The following CFAP43 variants were observed in gnomAD, a reference collection of about 807,000 sequenced individuals.
CFAP43 encodes the protein cilia and flagella associated protein 43.
A neutral mutation model predicts 218.9 loss-of-function variants in CFAP43; 155 were observed. The ratio of observed to expected loss-of-function variants is 0.71; its 90% CI spans 0.62 to 0.81. The LOEUF (loss-of-function observed/expected upper bound fraction) is 0.81, where lower values mean the gene tolerates loss of function less well. Among genes scored for constraint, CFAP43 ranks in the 30% least tolerant of loss-of-function variants. The pLI, the probability that CFAP43 is intolerant of heterozygous loss-of-function variation, is 0.00. For synonymous variants in CFAP43, 645 were observed against 681.3 expected, an observed-to-expected ratio of 0.95 and a Z score of 0.83; for missense variants, 1,778 against 1,954.3, an observed-to-expected ratio of 0.91 and a Z score of 1.70.
chr10:104,169,171 G>A (rs974424439), intron 20 of CFAP43, among the ~76,000 whole-genome samples: 8 of 152,208 alleles, frequency 5.3e-5, no homozygotes, highest in Admixed American at 1.3e-4. Flanking sequence ...GGTGAGCTGC[G>A]TAGCTAATGT....
chr10:104,204,440 A>C (rs1488683760), intron 7 of CFAP43, among the ~76,000 whole-genome samples: 1 of 152,234 alleles, frequency 6.6e-6, no homozygotes, highest in African/African-American at 2.4e-5. Flanking sequence ...ATCATTTTCT[A>C]GATTAGATCT....
Position 104,231,695 on chromosome 10 carries a change from C to T in CFAP43, c.65+487G>A, listed in dbSNP as rs961577022. 2.0e-5 allele frequency among the ~76,000 whole-genome samples: 3 copies of T among 152,214 alleles called. 1 individual carries two copies. Among genetic ancestry groups the T allele is most frequent in the African/African-American group, 2.4e-5 (1 of 41,526 alleles). On this transcript the variant is annotated intron_variant, in intron 1 of 37. Coordinates refer to ENST00000357060, the MANE Select transcript of CFAP43 (RefSeq NM_025145.7). ...ACCTATATCTGCGCAGTGCTTGATGCTTTTCAAAGGCTACTATAAATGCAA... is the reference window on the plus strand; with the variant it reads ...ACCTATATCTGCGCAGTGCTTGATGTTTTTCAAAGGCTACTATAAATGCAA...
At chr10:104,225,815 A>C (rs1589820530) in intron 2 of CFAP43, among the ~76,000 whole-genome samples, 1 of 152,236 alleles carries the variant, frequency 6.6e-6, no homozygotes, top group East Asian at 1.9e-4. Context: ...TGCAGAACTG[A>C]GCATACCGCA....
rs138147881 is a variant in CFAP43 at position 104,185,054 on chromosome 10, A to G, written c.2103T>C (p.Asn701=). 28 of 1,613,990 alleles carry G rather than the reference A, an allele frequency of 1.7e-5. No individual in the cohort carries two copies. In the African/African-American group the frequency reaches 2.5e-4, roughly 15 times the overall value. Residue 701 remains asparagine, a synonymous_variant, in exon 16 of 38, where the codon AAT becomes AAC. Transcript: ENST00000357060. ...ISMDGQNILV[N]GRDDGTLVYL... is the part of the protein sequence containing the mutation. The stretch of plus-strand genomic sequence containing the variant: ...AGACAAGGGTGCCATCATCTCTCCC[A>G]TTCACCAGAATGTTTTGTCCATCCA...
rs758518421 is a variant in CFAP43 at position 104,179,861 on chromosome 10, C to G, written c.2361G>C (p.Trp787Cys). 14 of 1,613,410 alleles carry G rather than the reference C, an allele frequency of 8.7e-6. No homozygotes were observed. The Admixed American group carries it at 2.3e-4, about 27-fold the overall frequency. Residue 787 changes from tryptophan to cysteine, a missense_variant, in exon 18 of 38, where the codon TGG becomes TGC. Around this residue, in one of 3 missense-constraint regions of CFAP43, gnomAD observed 1,553 missense variants for 1,685.2 expected, o/e 0.92. Transcript: ENST00000357060. ...VLTDVKKEIP[W>C]IQQKSQEAIK... Reference sequence around the variant, plus strand: ...ATACCTCTTGGCTTTTTTGTTGTATCCAAGGAATTTCCTTCTTAACATCGG... The same window carrying G: ...ATACCTCTTGGCTTTTTTGTTGTATGCAAGGAATTTCCTTCTTAACATCGG...
intron 8 of CFAP43, 193 bp downstream of exon 8, chr10:104,203,479 T>A (rs2090591697): frequency 2.1e-6 from 1 of 486,708 alleles, no homozygotes. Flanking sequence ...CCCTTTCAGT[T>A]ACATGCACAA....
At chr10:104,205,787 T>C (rs570675973) in intron 7 of CFAP43, among the ~76,000 whole-genome samples, 176 bp downstream of exon 7, 5 of 152,364 alleles carry the variant, frequency 3.3e-5, no homozygotes, top group East Asian at 1.9e-4. Context: ...CTATTTTGTA[T>C]AGATTTGAAG....
intron 9 of CFAP43, among the ~76,000 whole-genome samples, chr10:104,197,484 C>A (rs1193945548): frequency 6.6e-6 from 1 of 152,150 alleles, no homozygotes; most frequent in African/African-American, 2.4e-5. Context: ...TTATACATGG[C>A]AACTATTTCA....
At chr10:104,184,462 CTT>C (rs34684487) in intron 16 of CFAP43, among the ~76,000 whole-genome samples, 116 of 142,014 alleles carry the variant, frequency 8.2e-4, no homozygotes, top group African/African-American at 8.6e-4. Context: ...TTAACTATGT[CTT>C]TTTTTTTTTT....
intron 23 of CFAP43, 59 bp from the exon 24 acceptor site, chr10:104,164,359 G>A: frequency 7.9e-7 from 1 of 1,269,338 alleles, no homozygotes; most frequent in Non-Finnish European, 1.1e-6. Flanking sequence ...CTGGTAACAT[G>A]ATCCCACAAT....
chr10:104,209,901 A>C (rs2090802903), intron 5 of CFAP43, among the ~76,000 whole-genome samples: 1 of 152,186 alleles, frequency 6.6e-6, no homozygotes, highest in Admixed American at 6.5e-5. Flanking sequence ...AAATCTGTGG[A>C]TGCTCCAGTT....
In CFAP43 at chr10:104,159,771, C is replaced by T. The variant is rs796568223; in HGVS notation, c.3540+1266G>A. ...GATGCGCAACGGGTGTGAAATGGTA[C>T]TCTAGGATCCTGCTACTTAAAGTAG... On this transcript the variant is annotated intron_variant, in intron 27 of 37. Transcript: ENST00000357060. Among the ~76,000 whole-genome samples the T allele has an allele frequency of 2.1e-4, 32 of 152,252 alleles. 1 individual carries two copies. The highest frequency in any genetic ancestry group is 7.7e-4 in the African/African-American group (32 of 41,550).
rs919565787 is a variant in CFAP43 at position 104,164,361 on chromosome 10, T to A, written c.3040-61A>T. The A allele has an allele frequency of 2.4e-6, 3 of 1,260,178 alleles. No homozygotes were observed. The African/African-American group carries it at 4.5e-5, about 19-fold the overall frequency. The allele number at this position is 1,260,178 out of a possible 1,614,324, so 78.1% of individuals were successfully genotyped here. ...TATTATATCTTTACTGGTAACATGA[T>A]CCCACAATTATACTTTCCCTCTAAA... On this transcript the variant is annotated intron_variant, in intron 23 of 37. Coordinates refer to ENST00000357060, the MANE Select transcript of CFAP43 (RefSeq NM_025145.7).
chr10:104,141,486 C>T (rs1418168887), intron 33 of CFAP43, among the ~76,000 whole-genome samples: 2 of 152,062 alleles, frequency 1.3e-5, no homozygotes, highest in East Asian at 1.9e-4. Context: ...GTGACAGGCA[C>T]CTGTAATCCC....
At chr10:104,157,775 T>TGTGTGTGTGAGAGAGAGA (rs1484523345) in intron 27 of CFAP43, among the ~76,000 whole-genome samples, 22 of 90,158 alleles carry the variant, frequency 2.4e-4, no homozygotes, top group Non-Finnish European at 3.8e-4. Context: ...TGTGTGTGTG[T>TGTGTGTGTGAGAGAGAGA]GAGAGAGAGA....
chr10:104,161,266 C>T, intron 26 of CFAP43, 104 bp from the exon 27 acceptor site: 1 of 1,264,288 alleles, frequency 7.9e-7, no homozygotes, highest in Non-Finnish European at 1.1e-6. Context: ...AGGATACAGT[C>T]CTTCACATTG....
At position 104,232,224 on chromosome 10, in the gene CFAP43, T is replaced by C; in HGVS notation, c.23A>G (p.Asp8Gly). Residue 8 changes from aspartate (D) to glycine (G), a missense_variant, in exon 1 of 38, where the codon GAC becomes GGC. By Grantham distance (94) the Asp-to-Gly change is moderately conservative. Around this residue, in one of 3 missense-constraint regions of CFAP43, gnomAD observed 1,553 missense variants for 1,685.2 expected, o/e 0.92. Coordinates refer to ENST00000357060, the MANE Select transcript of CFAP43 (RefSeq NM_025145.7). ...GCCGCCGGCGGAGTGGGGGCCTTCGTCGCGCTCCCGGCCTTGCGCCATGGG... is the reference window on the plus strand; with the variant it reads ...GCCGCCGGCGGAGTGGGGGCCTTCGCCGCGCTCCCGGCCTTGCGCCATGGG... MAQGRERDEGPHSAGGAS... is the reference protein window; with the variant it reads MAQGRERGEGPHSAGGAS... The C allele has an allele frequency of 1.2e-6, 2 of 1,608,828 alleles. No homozygotes were observed. The highest frequency in any genetic ancestry group is 8.5e-7 in the Non-Finnish European group (1 of 1,178,470).
intron 11 of CFAP43, chr10:104,193,106 A>C (rs954126184): frequency 1.3e-5 from 2 of 152,226 alleles, no homozygotes; most frequent in African/African-American, 4.8e-5. Context: ...AATTAAAAAG[A>C]AACAGTAATA....
At chr10:104,212,841 A>C (rs1164942741) in intron 4 of CFAP43, among the ~76,000 whole-genome samples, 1 of 152,232 alleles carries the variant, frequency 6.6e-6, no homozygotes, top group Non-Finnish European at 1.5e-5. Flanking sequence ...AATGATAAAC[A>C]ATTTTGAAAA....
Sources: allele counts gnomAD v4.1 joint callset (sites outside exome capture counted in the v4.1 genomes callset), GRCh38; gene constraint gnomAD v4.1.1; regional missense constraint gnomAD v4.1.1; transcripts MANE v1.5; gene names NCBI Gene and HGNC (gene_info 2026-07-23, HGNC 2026-07-21).